ATF7IP2: variants seen among roughly 807,000 people sequenced by gnomAD.
The protein encoded by ATF7IP2 is activating transcription factor 7-interacting protein 2.
ATF7IP2 carries 42 observed loss-of-function variants against 64.2 expected under a neutral mutation model. The ratio of observed to expected loss-of-function variants is 0.65; its 90% confidence interval spans 0.51 to 0.85. The LOEUF (loss-of-function observed/expected upper bound fraction) is 0.85. Ranked by LOEUF, ATF7IP2 falls within the 40% of genes least tolerant of loss-of-function variation. The pLI, the probability that ATF7IP2 is intolerant of heterozygous loss-of-function variation, is 0.00. For missense variants in ATF7IP2, 933 were observed against 784.2 expected (o/e 1.19, Z -2.27); for synonymous variants, 308 against 272.8 (o/e 1.13, Z -1.27).
At position 10,480,942 on chromosome 16, in the gene ATF7IP2, C is replaced by G; in HGVS notation, c.1613C>G (p.Pro538Arg). 9 of 1,610,964 alleles carry G rather than the reference C, an allele frequency of 5.6e-6. No homozygotes were observed. The highest frequency in any genetic ancestry group is 6.8e-6 in the Non-Finnish European group (8 of 1,177,270). ...GCTTCAAACTCAAAGGAAACAACCC[C>G]ATTGGCACAAAATGCAGTCCAGGTA... is the stretch of plus-strand genomic sequence containing the variant. Reference protein sequence around the residue: ...KAASNSKETTPLAQNAVQVPE... With the variant: ...KAASNSKETTRLAQNAVQVPE... Residue 538 changes from proline (P) to arginine (R), a missense_variant, in exon 13 of 14, where the codon CCA becomes CGA. By Grantham distance (103) the Pro-to-Arg change is moderately radical. Coordinates refer to ENST00000562102, the MANE Select transcript of ATF7IP2 (RefSeq NM_001393719.1).
Position 10,430,912 on chromosome 16 carries a change from C to G in ATF7IP2, c.292C>G (p.Pro98Ala), listed in dbSNP as rs1431731420. ...SKVFSQNCIK[P>A]VEEIVHSETK... The stretch of plus-strand genomic sequence containing the variant: ...AGTATTCTCTCAGAATTGCATAAAA[C>G]CAGTAGAAGAAATTGTTCATTCAGA... The change falls in exon 5 of 14, where the codon CCA (proline) becomes GCA (alanine). Residue 98 changes from proline to alanine, a missense_variant. By Grantham distance (27) the Pro-to-Ala change is conservative. Transcript: ENST00000562102. The G allele has an allele frequency of 6.2e-7, 1 of 1,613,762 alleles. No homozygotes were observed. Among genetic ancestry groups the G allele is most frequent in the African/African-American group, 1.3e-5 (1 of 74,884 alleles).
intron 7 of ATF7IP2, among the ~76,000 whole-genome samples, chr16:10,438,741 T>C (rs2048506559): frequency 6.6e-6 from 1 of 152,180 alleles, no homozygotes; most frequent in African/African-American, 2.4e-5. Context: ...GCATTCTGTG[T>C]CAATTGACAG....
chr16:10,453,622 T>A (rs892442837), intron 8 of ATF7IP2, among the ~76,000 whole-genome samples: 2 of 152,062 alleles, frequency 1.3e-5, no homozygotes, highest in African/African-American at 4.8e-5. Context: ...TTTCTTTGTT[T>A]ATTTATTTTT....
chr16:10,423,707 C>T (rs1202235166), intron 3 of ATF7IP2, among the ~76,000 whole-genome samples: 5 of 152,112 alleles, frequency 3.3e-5, no homozygotes, highest in South Asian at 2.1e-4. Context: ...TTTAGCTGGC[C>T]GACAAACCTG....
intron 9 of ATF7IP2, among the ~76,000 whole-genome samples, chr16:10,462,118 G>A (rs1354867104): frequency 1.3e-5 from 2 of 151,824 alleles, no homozygotes; most frequent in Non-Finnish European, 2.9e-5. Flanking sequence ...TTCTTTACTC[G>A]GAATAGTACT....
intron 8 of ATF7IP2, among the ~76,000 whole-genome samples, chr16:10,444,952 A>G (rs903243768): frequency 2.6e-5 from 4 of 152,232 alleles, no homozygotes; most frequent in African/African-American, 9.7e-5. Flanking sequence ...ACTATTACTA[A>G]TAGGAATTTT....
chr16:10,405,920 C>A (rs1054946920), intron 1 of ATF7IP2, among the ~76,000 whole-genome samples: 1 of 152,088 alleles, frequency 6.6e-6, no homozygotes. Context: ...TGGTAAAACC[C>A]CATCTCTACT....
In ATF7IP2 at chr16:10,477,084, C is replaced by A. The variant is rs546585647; in HGVS notation, c.1549+3095C>A. 2.1e-3 allele frequency among the ~76,000 whole-genome samples: 318 copies of A among 152,090 alleles called. 2 individuals are homozygous for A. Among genetic ancestry groups the A allele is most frequent in the African/African-American group, 7.4e-3 (308 of 41,518 alleles). On this transcript the variant is annotated intron_variant, in intron 12 of 13. Transcript: ENST00000562102. Reference sequence around the variant, plus strand: ...TCGCCAAAACCAATTGCAACAAAAGCAAAAATCTACAAATGGGATCTAATT... The same window carrying A: ...TCGCCAAAACCAATTGCAACAAAAGAAAAAATCTACAAATGGGATCTAATT...
chr16:10,419,702 G>A (rs926668269), intron 3 of ATF7IP2, 79 bp downstream of exon 3: 3 of 152,522 alleles, frequency 2.0e-5, no homozygotes, highest in Non-Finnish European at 4.4e-5. Flanking sequence ...GGCTGCAACT[G>A]GTGTGTGTTT....
chr16:10,479,344 C>T (rs1347075739), intron 12 of ATF7IP2, among the ~76,000 whole-genome samples: 2 of 151,934 alleles, frequency 1.3e-5, no homozygotes, highest in Non-Finnish European at 2.9e-5. Context: ...AGTTCATGTC[C>T]GTTGTAGGGA....
chr16:10,388,121 C>T (rs1306651335), intron 1 of ATF7IP2, among the ~76,000 whole-genome samples: 1 of 152,098 alleles, frequency 6.6e-6, no homozygotes, highest in East Asian at 1.9e-4. Context: ...GAATTCCTGA[C>T]CTCAGGTGAT....
At chr16:10,401,351 G>T (rs765534060) in intron 1 of ATF7IP2, among the ~76,000 whole-genome samples, 2 of 151,768 alleles carry the variant, frequency 1.3e-5, no homozygotes, top group African/African-American at 2.4e-5. Context: ...TGTATTTTTA[G>T]TAAAGACAGG....
chr16:10,427,304 C>G (rs73497828), intron 3 of ATF7IP2, among the ~76,000 whole-genome samples: 5,852 of 152,012 alleles, frequency 0.038, 371 homozygotes, highest in African/African-American at 0.13. Context: ...TTAGGGAAAC[C>G]CAAATTAAGA....
intron 3 of ATF7IP2, among the ~76,000 whole-genome samples, chr16:10,420,461 A>G (rs960470584): frequency 1.3e-5 from 2 of 152,232 alleles, no homozygotes; most frequent in African/African-American, 4.8e-5. Flanking sequence ...GCATCGCTGG[A>G]TAATAGCTTT....
intron 2 of ATF7IP2, among the ~76,000 whole-genome samples, chr16:10,416,013 T>G (rs2047867175): frequency 6.6e-6 from 1 of 152,196 alleles, no homozygotes; most frequent in South Asian, 2.1e-4. Context: ...GATGTAAATT[T>G]GTACAACCAG....
chr16:10,427,930 A>G (rs1436724796), intron 3 of ATF7IP2, among the ~76,000 whole-genome samples: 2 of 152,120 alleles, frequency 1.3e-5, no homozygotes, highest in Admixed American at 6.5e-5. Flanking sequence ...TGGTATATCT[A>G]CCCAAAGAAT....
chr16:10,413,500 C>T (rs925607638), intron 1 of ATF7IP2, among the ~76,000 whole-genome samples: 1 of 152,152 alleles, frequency 6.6e-6, no homozygotes, highest in East Asian at 1.9e-4. Flanking sequence ...GTCTTTATCA[C>T]CAGCATGAAA....
intron 12 of ATF7IP2, among the ~76,000 whole-genome samples, chr16:10,475,484 G>A (rs1480001448): frequency 6.6e-6 from 1 of 152,094 alleles, no homozygotes; most frequent in Non-Finnish European, 1.5e-5. Flanking sequence ...GAGGTCAGGA[G>A]ATCAAGACTA....
Position 10,434,011 on chromosome 16 carries a change from T to G in ATF7IP2, c.960+362T>G, listed in dbSNP as rs12918266. On this transcript the variant is annotated intron_variant, in intron 6 of 13. Coordinates refer to ENST00000562102, the MANE Select transcript of ATF7IP2 (RefSeq NM_001393719.1). ...AGTCTCTTTTGTACTAGTCATGGGGTTCTTAGATCTGCAGCTCTATCCATT... is the reference window on the plus strand; with the variant it reads ...AGTCTCTTTTGTACTAGTCATGGGGGTCTTAGATCTGCAGCTCTATCCATT... 8.5e-4 allele frequency among the ~76,000 whole-genome samples: 129 copies of G among 152,258 alleles called. 1 individual carries two copies. In the Middle Eastern group the frequency reaches 0.017, roughly 20 times the overall value.
Sources: gnomAD v4.1 joint callset for allele counts (sites outside exome capture counted in the v4.1 genomes callset) on GRCh38, gnomAD v4.1.1 for gene constraint, MANE v1.5 for transcripts, NCBI Gene and HGNC (gene_info 2026-07-23, HGNC 2026-07-21) for gene names.